The following TAFA5 variants were observed in gnomAD, a reference collection of about 807,000 sequenced individuals.
The protein encoded by TAFA5 is TAFA chemokine like family member 5, also known as chemokine-like protein TAFA-5.
In TAFA5, 6 loss-of-function variants were observed where a neutral mutation model predicts 15.3. The ratio of observed to expected loss-of-function variants is 0.39; its 90% CI spans 0.21 to 0.77. The LOEUF is 0.77. Among genes scored for constraint, TAFA5 ranks in the 30% least tolerant of loss-of-function variants. The probability of loss-of-function intolerance (pLI) is 0.41; values close to 1 mark genes in which losing one functional copy is unlikely to be tolerated. For synonymous variants in TAFA5, 103 were observed against 80.7 expected, an observed-to-expected ratio of 1.28 and a Z score of -1.48; for missense variants, 161 against 193.1, an observed-to-expected ratio of 0.83 and a Z score of 0.98.
chr22:48,500,570 GCC>G (rs1250649630), intron 1 of TAFA5, among the ~76,000 whole-genome samples: 2 of 152,266 alleles, frequency 1.3e-5, no homozygotes, highest in Non-Finnish European at 2.9e-5. Context: ...AAGGCGCCGG[GCC>G]CGCAGGCGGG....
intron 1 of TAFA5, among the ~76,000 whole-genome samples, chr22:48,581,795 A>C (rs988231330): frequency 6.6e-6 from 1 of 152,162 alleles, no homozygotes; most frequent in Non-Finnish European, 1.5e-5. Flanking sequence ...ATGCATTATA[A>C]ACCTCATTTA....
chr22:48,707,030 C>G (rs1484417426), intron 2 of TAFA5, among the ~76,000 whole-genome samples: 1 of 152,152 alleles, frequency 6.6e-6, no homozygotes, highest in African/African-American at 2.4e-5. Context: ...GAGCCAGTGC[C>G]CCCATCCACC....
intron 2 of TAFA5, among the ~76,000 whole-genome samples, chr22:48,688,727 A>G (rs1049581221): frequency 6.6e-6 from 1 of 152,234 alleles, no homozygotes; most frequent in Non-Finnish European, 1.5e-5. Context: ...ACAGTGGCTC[A>G]TGCCTATAAT....
chr22:48,599,222 C>T (rs192458056), intron 1 of TAFA5, among the ~76,000 whole-genome samples: 135 of 152,276 alleles, frequency 8.9e-4, no homozygotes, highest in Non-Finnish European at 1.7e-3. Flanking sequence ...GATGATAAGG[C>T]AGAAAGTCCC....
At chr22:48,505,255 C>G (rs1335255385) in intron 1 of TAFA5, among the ~76,000 whole-genome samples, 2 of 152,318 alleles carry the variant, frequency 1.3e-5, no homozygotes, top group Non-Finnish European at 2.9e-5. Context: ...AGGGGTCACC[C>G]TGCGTGGCCC....
At chr22:48,731,167 C>T (rs758226733) in intron 3 of TAFA5, among the ~76,000 whole-genome samples, 24 of 152,226 alleles carry the variant, frequency 1.6e-4, no homozygotes, top group Non-Finnish European at 3.1e-4. Flanking sequence ...TAATCCAGAG[C>T]AAGCCCCAAC....
chr22:48,561,394 G>T (rs1923224973), intron 1 of TAFA5, among the ~76,000 whole-genome samples: 1 of 152,168 alleles, frequency 6.6e-6, no homozygotes, highest in African/African-American at 2.4e-5. Flanking sequence ...GCTGTTCCAG[G>T]GTGTGCTGGG....
At chr22:48,696,550 G>A (rs1218943423) in intron 2 of TAFA5, among the ~76,000 whole-genome samples, 4 of 152,212 alleles carry the variant, frequency 2.6e-5, no homozygotes, top group Non-Finnish European at 5.9e-5. Context: ...GGAGTGAATG[G>A]GTGGCAGCCA....
rs577292134 is a variant in TAFA5 at position 48,587,746 on chromosome 22, C to T, written c.113-58851C>T. On this transcript the variant is annotated intron_variant, in intron 1 of 3. Transcript: ENST00000402357. ...CCCTCACACACACCCTTCCAGCCACCCGCGTGAGCATGCTCCAAACACGGC... is the reference window on the plus strand; with the variant it reads ...CCCTCACACACACCCTTCCAGCCACTCGCGTGAGCATGCTCCAAACACGGC... 1.8e-4 allele frequency among the ~76,000 whole-genome samples: 28 copies of T among 152,362 alleles called. No individual in the cohort carries two copies. The South Asian group carries it at 2.1e-3, about 11-fold the overall frequency.
At chr22:48,625,197 A>G (rs1925986044) in intron 1 of TAFA5, among the ~76,000 whole-genome samples, 1 of 152,028 alleles carries the variant, frequency 6.6e-6, no homozygotes, top group Non-Finnish European at 1.5e-5. Context: ...AGTGTCATTC[A>G]TTGTTTCTCA....
rs983665570 is a variant in TAFA5 at position 48,598,139 on chromosome 22, C to T, written c.113-48458C>T. On this transcript the variant is annotated intron_variant, in intron 1 of 3. Transcript: ENST00000402357. This position sits in a 1 kb window ranked among gnomAD's most constrained non-coding sequence, Gnocchi z 4.0. The stretch of plus-strand genomic sequence containing the variant: ...ACGCAGCGAGAGGTGCAGCTGGCGT[C>T]GTGAGGCCTCCGCTGGAGAATTCTT... 6.6e-6 allele frequency among the ~76,000 whole-genome samples: 1 copy of T among 152,172 alleles called. No homozygotes were observed. The highest frequency in any genetic ancestry group is 1.5e-5 in the Non-Finnish European group (1 of 68,040).
chr22:48,542,344 GGTGTGTGTGCATAT>G (rs1601566606), intron 1 of TAFA5, among the ~76,000 whole-genome samples: 5 of 132,300 alleles, frequency 3.8e-5, no homozygotes, highest in South Asian at 2.7e-4. Flanking sequence ...GTGTGTGTGT[GGTGTGTGTGCATAT>G]GTGTGTGTGC....
At chr22:48,611,444 C>A (rs1925407257) in intron 1 of TAFA5, among the ~76,000 whole-genome samples, 1 of 152,212 alleles carries the variant, frequency 6.6e-6, no homozygotes, top group African/African-American at 2.4e-5. Flanking sequence ...GCAGACACAG[C>A]CACCCCTGGA....
chr22:48,565,925 A>G (rs1242890659), intron 1 of TAFA5, among the ~76,000 whole-genome samples: 3 of 151,948 alleles, frequency 2.0e-5, no homozygotes, highest in South Asian at 2.1e-4. Flanking sequence ...TAGGTAGATG[A>G]GTAGATGGAT....
At chr22:48,573,827 AT>A (rs1923668004) in intron 1 of TAFA5, among the ~76,000 whole-genome samples, 2 of 151,962 alleles carry the variant, frequency 1.3e-5, no homozygotes, top group Admixed American at 1.3e-4. Flanking sequence ...ACACTTTTCT[AT>A]TTTCAGAATT....
intron 3 of TAFA5, among the ~76,000 whole-genome samples, chr22:48,730,150 C>T (rs560441012): frequency 9.9e-5 from 15 of 152,124 alleles, no homozygotes; most frequent in African/African-American, 3.4e-4. Context: ...TTTGGGAGGC[C>T]GAGGTGGGCG....
chr22:48,502,428 T>G (rs1289334811), intron 1 of TAFA5, among the ~76,000 whole-genome samples: 7 of 146,930 alleles, frequency 4.8e-5, no homozygotes, highest in African/African-American at 1.8e-4. Context: ...ACTTTTGTCT[T>G]AGGCTTTTGC....
chr22:48,723,759 GGAT>G (rs1270883540), intron 3 of TAFA5, among the ~76,000 whole-genome samples: 35 of 152,222 alleles, frequency 2.3e-4, no homozygotes, highest in Admixed American at 2.3e-3. Flanking sequence ...CAGGTTCATG[GGAT>G]GATAAGAAAG....
chr22:48,665,128 C>T (rs759518786), intron 2 of TAFA5, among the ~76,000 whole-genome samples: 20 of 152,174 alleles, frequency 1.3e-4, no homozygotes, highest in African/African-American at 2.4e-4. Flanking sequence ...GCTGAGCCTA[C>T]GGTGTTTCGT....
Sources: gnomAD v4.1 joint callset for allele counts (sites outside exome capture counted in the v4.1 genomes callset) on GRCh38, gnomAD v4.1.1 for gene constraint, Gnocchi (gnomAD v3.1) non-coding constraint, MANE v1.5 for transcripts, NCBI Gene and HGNC (gene_info 2026-07-23, HGNC 2026-07-21) for gene names.